Variants in UNC13B observed in about 807,000 individuals in gnomAD.
UNC13B encodes unc-13 homolog B.
In UNC13B, 144 loss-of-function variants were observed where a neutral mutation model predicts 211.0. The observed-to-expected ratio is 0.68, with a 90% CI of 0.60 to 0.78. The LOEUF (loss-of-function observed/expected upper bound fraction) is 0.78, where lower values mean the gene tolerates loss of function less well. UNC13B is among the 30% of genes least tolerant of loss of function. The pLI is 0.00. For missense variants in UNC13B, 1,777 were observed against 2,002.0 expected (o/e 0.89, Z 2.14); for synonymous variants, 709 against 725.8 (o/e 0.98, Z 0.37).
chr9:35,185,602 T>G (rs1822313190), intron 1 of UNC13B, among the ~76,000 whole-genome samples: 2 of 152,104 alleles, frequency 1.3e-5, no homozygotes, highest in African/African-American at 4.8e-5. Flanking sequence ...TTGCAGCTGT[T>G]AAAAGAACTC....
intron 1 of UNC13B, among the ~76,000 whole-genome samples, chr9:35,200,551 A>G (rs1412819190): frequency 6.6e-6 from 1 of 152,160 alleles, no homozygotes; most frequent in African/African-American, 2.4e-5. Flanking sequence ...GGTCCTTCAC[A>G]TCCCTTGTAA....
At chr9:35,231,563 T>G (rs553967437) in intron 3 of UNC13B, among the ~76,000 whole-genome samples, 140 of 152,282 alleles carry the variant, frequency 9.2e-4, no homozygotes, top group African/African-American at 3.0e-3. Context: ...AGCATGACAT[T>G]AAACATAACT....
chr9:35,199,293 C>T (rs1823129570), intron 1 of UNC13B, among the ~76,000 whole-genome samples: 1 of 152,126 alleles, frequency 6.6e-6, no homozygotes, highest in African/African-American at 2.4e-5. Context: ...AATAGTGCTG[C>T]AATAAACATA....
chr9:35,397,334 C>T (rs1163356949), intron 29 of UNC13B, 24 bp downstream of exon 29: 2 of 1,610,618 alleles, frequency 1.2e-6, no homozygotes, highest in Admixed American at 1.7e-5. Context: ...TTCCTACTCC[C>T]TCCCCCTTAC....
rs529206220 is a variant in UNC13B, at chr9:35,285,574, G to A, written c.527-10122G>A. On this transcript the variant is annotated intron_variant, in intron 7 of 39. Coordinates refer to ENST00000635942, the MANE Select transcript of UNC13B (RefSeq NM_001371189.2). ...TCTCTACAGAAAACAAAAATTAGTC[G>A]AGTGTGATGGCACGTGCCTGTAGTC... Among the ~76,000 whole-genome samples, 132 of 152,152 alleles carry A rather than the reference G, an allele frequency of 8.7e-4. 1 individual carries two copies. The highest frequency in any genetic ancestry group is 2.1e-3 in the South Asian group (10 of 4,820).
Position 35,304,112 on chromosome 9 carries a change from A to C in UNC13B, c.4708A>C (p.Thr1570Pro). The part of the protein sequence containing the change: ...YQEYLDCDLQ[T>P]NGLSSITLDD... ...AGAGTATTTGGATTGTGATTTACAGACAAATGGTCTATCAAGTATTACGTT... is the reference window on the plus strand; with the variant it reads ...AGAGTATTTGGATTGTGATTTACAGCCAAATGGTCTATCAAGTATTACGTT... The change falls in exon 9 of 40, where the codon ACA becomes CCA. Residue 1570 changes from threonine to proline, a missense_variant. By Grantham distance (38) the Thr-to-Pro change is conservative (BLOSUM62 -1). Transcript: ENST00000635942. 1 of 398,806 alleles carries C rather than the reference A, an allele frequency of 2.5e-6. No homozygotes were observed. The highest frequency in any genetic ancestry group is 4.4e-6 in the Non-Finnish European group (1 of 225,874). The allele number at this position is 398,806 out of a possible 1,614,324, so 24.7% of individuals were successfully genotyped here. A position where few individuals can be genotyped will look rare whatever the true frequency, so the allele number is the denominator to read the frequency against.
At chr9:35,358,734 C>A (rs1272188258) in intron 11 of UNC13B, among the ~76,000 whole-genome samples, 1 of 138,576 alleles carries the variant, frequency 7.2e-6, no homozygotes, top group Non-Finnish European at 1.5e-5. Context: ...TGCTCTGTTG[C>A]CCAGGCTGGA....
Position 35,301,921 on chromosome 9 carries a change from G to A in UNC13B, c.2517G>A (p.Val839=). The A allele has an allele frequency of 2.5e-6, 1 of 398,776 alleles. No homozygotes were observed. Among genetic ancestry groups the A allele is most frequent in the South Asian group, 1.3e-4 (1 of 7,848 alleles). 24.7% of individuals were successfully genotyped at this position (398,776 alleles called of 1,614,324 possible). ...SLSEPVKIRQ[V]EEDGLERGSK... ...CAGAACCTGTGAAAATTCGCCAGGTGGAGGAAGATGGTTTAGAAAGGGGCT... is the reference window on the plus strand; with the variant it reads ...CAGAACCTGTGAAAATTCGCCAGGTAGAGGAAGATGGTTTAGAAAGGGGCT... Residue 839 remains valine, a synonymous_variant, in exon 9 of 40, where the codon GTG becomes GTA. Coordinates refer to ENST00000635942, the MANE Select transcript of UNC13B (RefSeq NM_001371189.2).
intron 1 of UNC13B, among the ~76,000 whole-genome samples, chr9:35,204,088 G>T (rs1823496771): frequency 2.0e-5 from 3 of 152,240 alleles, no homozygotes; most frequent in South Asian, 2.1e-4. Context: ...TCTAGCACCA[G>T]CTGGGCTCAG....
intron 10 of UNC13B, 56 bp from the exon 11 acceptor site, chr9:35,313,843 G>C: frequency 7.2e-7 from 1 of 1,391,820 alleles, no homozygotes; most frequent in Non-Finnish European, 1.0e-6. Flanking sequence ...GCCTTGAGCA[G>C]TGTCACCTTG....
intron 1 of UNC13B, among the ~76,000 whole-genome samples, chr9:35,174,911 G>A (rs969591577): frequency 2.7e-4 from 41 of 151,638 alleles, no homozygotes; most frequent in African/African-American, 9.0e-4. Context: ...GACCTTAGGT[G>A]ATCCACACGC....
At chr9:35,365,480 T>C in intron 11 of UNC13B, among the ~76,000 whole-genome samples, 1 of 152,212 alleles carries the variant, frequency 6.6e-6, no homozygotes, top group East Asian at 1.9e-4. Flanking sequence ...CTGGCAAATA[T>C]CTCACTCTGG....
At chr9:35,238,789 C>G (rs576718031) in intron 5 of UNC13B, among the ~76,000 whole-genome samples, 2 of 152,188 alleles carry the variant, frequency 1.3e-5, no homozygotes, top group African/African-American at 4.8e-5. Flanking sequence ...AACTCCTGAC[C>G]TCAAACGATC....
intron 1 of UNC13B, among the ~76,000 whole-genome samples, chr9:35,165,021 A>G (rs1368471898): frequency 6.6e-6 from 1 of 152,222 alleles, no homozygotes; most frequent in African/African-American, 2.4e-5. Context: ...TCTAAGAAGC[A>G]TATTGAGAAG....
At chr9:35,334,536 T>C in intron 11 of UNC13B, among the ~76,000 whole-genome samples, 1 of 152,212 alleles carries the variant, frequency 6.6e-6, no homozygotes, top group East Asian at 1.9e-4. Context: ...TGCATGTAGG[T>C]AGAAAAACAG....
intron 17 of UNC13B, among the ~76,000 whole-genome samples, chr9:35,379,442 C>T (rs138964979): frequency 0.023 from 3,534 of 150,810 alleles, 131 homozygotes; most frequent in African/African-American, 0.082. Flanking sequence ...AGTGAGACTC[C>T]GTCTAAAAAA....
intron 7 of UNC13B, among the ~76,000 whole-genome samples, chr9:35,279,721 T>C (rs1245027424): frequency 1.3e-5 from 2 of 152,210 alleles, no homozygotes; most frequent in African/African-American, 2.4e-5. Context: ...CATTTAACAA[T>C]GCATTTGAAT....
chr9:35,334,842 G>C (rs1471339212), intron 11 of UNC13B, among the ~76,000 whole-genome samples: 1 of 152,174 alleles, frequency 6.6e-6, no homozygotes, highest in East Asian at 1.9e-4. Flanking sequence ...TTCCAGACCA[G>C]CCTGGCCAAC....
At chr9:35,364,451 T>G (rs1341503822) in intron 11 of UNC13B, 13 of 1,378,856 alleles carry the variant, frequency 9.4e-6, no homozygotes, top group African/African-American at 4.3e-5. Flanking sequence ...CCATGTCCCT[T>G]GGAGTTTAGC....
Sources: allele counts gnomAD v4.1 joint callset (sites outside exome capture counted in the v4.1 genomes callset), GRCh38; gene constraint gnomAD v4.1.1; transcripts MANE v1.5; gene names NCBI Gene and HGNC (gene_info 2026-07-23, HGNC 2026-07-21).